Variants in EDNRA observed in about 807,000 individuals in gnomAD.
The protein encoded by EDNRA is endothelin receptor type A.
Under a neutral mutation model 41.4 loss-of-function variants are expected in EDNRA, and 11 were observed. That is an observed-to-expected ratio of 0.27 (90% CI 0.17 to 0.44). The LOEUF (loss-of-function observed/expected upper bound fraction) is 0.44. Ranked by LOEUF, EDNRA falls within the 20% of genes least tolerant of loss-of-function variation. The pLI is 1.00. For synonymous variants in EDNRA, 172 were observed against 183.0 expected (o/e 0.94, Z 0.49); for missense variants, 294 against 531.0 (o/e 0.55, Z 4.39).
intron 2 of EDNRA, among the ~76,000 whole-genome samples, chr4:147,518,488 G>A (rs1362384018): frequency 7.2e-5 from 11 of 152,154 alleles, no homozygotes; most frequent in African/African-American, 2.2e-4. Context: ...TAGAAGAAAG[G>A]AAGTAATCAC....
chr4:147,532,148 T>TA (rs61086622), intron 3 of EDNRA, among the ~76,000 whole-genome samples: 334 of 114,630 alleles, frequency 2.9e-3, no homozygotes, highest in East Asian at 0.011. Context: ...CCGTCTCTAC[T>TA]AAAAAAAAAA....
At position 147,511,389 on chromosome 4, in the gene EDNRA, G is replaced by A. The variant is rs572950811; in HGVS notation, c.421-8462G>A. Among the ~76,000 whole-genome samples the A allele has an allele frequency of 2.6e-5, 4 of 152,120 alleles. No individual in the cohort carries two copies. In the South Asian group the frequency reaches 6.2e-4, roughly 24 times the overall value. ...ATCTTATTTACTATCAAGTCAGTGA[G>A]AGCATCAACTTTATTCTACTTTATT... On this transcript the variant is annotated intron_variant, in intron 2 of 7. Coordinates refer to ENST00000651419, the MANE Select transcript of EDNRA (RefSeq NM_001957.4).
intron 5 of EDNRA, among the ~76,000 whole-genome samples, chr4:147,537,213 G>T (rs768219605): frequency 1.6e-4 from 25 of 152,166 alleles, no homozygotes; most frequent in Non-Finnish European, 7.4e-5. Context: ...CTTTTCATCT[G>T]TAAATTGGGC....
At chr4:147,490,207 T>C (rs1578775101) in intron 2 of EDNRA, 2 of 142,396 alleles carry the variant, frequency 1.4e-5, no homozygotes, top group African/African-American at 5.3e-5. Flanking sequence ...TAAAAGAAAC[T>C]CAGCAATCTA....
chr4:147,518,817 T>C (rs1161482652), intron 2 of EDNRA, among the ~76,000 whole-genome samples: 5 of 152,124 alleles, frequency 3.3e-5, no homozygotes, highest in Non-Finnish European at 7.4e-5. Flanking sequence ...TAAGTTTAAA[T>C]TGAGTCACTA....
At chr4:147,520,234 G>A (rs1345485354) in intron 3 of EDNRA, among the ~76,000 whole-genome samples, 2 of 152,250 alleles carry the variant, frequency 1.3e-5, no homozygotes, top group East Asian at 3.9e-4. Context: ...TGGCAATAAA[G>A]TGAAAATTAA....
intron 2 of EDNRA, chr4:147,488,751 A>G (rs1005795561): frequency 3.3e-5 from 5 of 152,308 alleles, no homozygotes; most frequent in Middle Eastern, 3.4e-3. Context: ...ACATGTTGCT[A>G]TTCTTCTGAC....
At chr4:147,517,913 G>A (rs1033071042) in intron 2 of EDNRA, among the ~76,000 whole-genome samples, 1 of 152,046 alleles carries the variant, frequency 6.6e-6, no homozygotes, top group African/African-American at 2.4e-5. Context: ...CTTAGCACTT[G>A]CCACTGAGAC....
At chr4:147,482,477 G>C (rs10305851) in intron 1 of EDNRA, among the ~76,000 whole-genome samples, 4,150 of 152,256 alleles carry the variant, frequency 0.027, 196 homozygotes, top group African/African-American at 0.092. Flanking sequence ...CTGATTATGA[G>C]TGATGATTCA....
rs759201418 is a variant in EDNRA, at chr4:147,486,374, CT to C, written c.420+274del. ...CATGACTTGGATTCTCATGCCACCC[CT>C]GGGCTTGCTGGTTGGATAGGCTGTC... On this transcript the variant is annotated intron_variant, in intron 2 of 7. Coordinates refer to ENST00000651419, the MANE Select transcript of EDNRA (RefSeq NM_001957.4). The surrounding 1 kb of genome is among the most constrained non-coding windows in gnomAD (Gnocchi z 4.3). Among the ~76,000 whole-genome samples the C allele has an allele frequency of 1.3e-5, 2 of 152,140 alleles. No individual in the cohort carries two copies. The highest frequency in any genetic ancestry group is 2.4e-5 in the African/African-American group (1 of 41,418).
intron 2 of EDNRA, among the ~76,000 whole-genome samples, chr4:147,499,045 G>A (rs185224987): frequency 1.3e-3 from 196 of 152,264 alleles, no homozygotes; most frequent in Non-Finnish European, 2.1e-3. Flanking sequence ...GACCTCCCAA[G>A]TCATTCTTTT....
chr4:147,533,005 ATG>A lies in EDNRA; in HGVS notation c.747+321_747+322del, dbSNP rs761473339. Among the ~76,000 whole-genome samples the A allele has an allele frequency of 1.2e-3, 160 of 137,078 alleles. 1 individual carries two copies. The highest frequency in any genetic ancestry group is 7.1e-3 in the Middle Eastern group (2 of 282). The allele number at this position is 137,078 out of a possible 152,430, so 89.9% of individuals were successfully genotyped here. A position where few individuals can be genotyped will look rare whatever the true frequency, so the allele number is the denominator to read the frequency against. On this transcript the variant is annotated intron_variant, in intron 4 of 7. Transcript: ENST00000651419. ...ACTAGATGTGTGTGTGTGTGTGTGT[ATG>A]TGTGTGTGTGTGTGTGTGTATATAT...
intron 2 of EDNRA, among the ~76,000 whole-genome samples, chr4:147,507,415 T>C (rs72959594): frequency 0.022 from 3,402 of 152,272 alleles, 111 homozygotes; most frequent in African/African-American, 0.077. Flanking sequence ...AGAACCGTGC[T>C]AAGTGAAAAA....
intron 7 of EDNRA, among the ~76,000 whole-genome samples, chr4:147,541,703 A>C (rs1053583310): frequency 6.6e-6 from 1 of 152,182 alleles, no homozygotes; most frequent in Non-Finnish European, 1.5e-5. Flanking sequence ...GAATCACACA[A>C]ACAGATGAAA....
intron 2 of EDNRA, among the ~76,000 whole-genome samples, chr4:147,487,347 G>A (rs1728982539): frequency 6.6e-6 from 1 of 152,196 alleles, no homozygotes; most frequent in Admixed American, 6.5e-5. Context: ...TAGTTGTTGG[G>A]AGGGAAAAAT....
chr4:147,506,596 G>A (rs1729724173), intron 2 of EDNRA: 1 of 296,782 alleles, frequency 3.4e-6, no homozygotes, highest in African/African-American at 2.3e-5. Flanking sequence ...TCAGCCTTTA[G>A]AAATATCAAT....
intron 3 of EDNRA, among the ~76,000 whole-genome samples, 181 bp from the exon 4 acceptor site, chr4:147,532,325 C>CAAAAAAAAAAAAAAAAA (rs59851236): frequency 1.8e-4 from 11 of 60,390 alleles, no homozygotes; most frequent in Middle Eastern, 0.022. Flanking sequence ...GATTTTGCCT[C>CAAAAAAAAAAAAAAAAA]AAAAAAAAAA....
intron 3 of EDNRA, among the ~76,000 whole-genome samples, chr4:147,531,094 C>G (rs539332948): frequency 6.6e-6 from 1 of 152,178 alleles, no homozygotes; most frequent in East Asian, 1.9e-4. Context: ...CTTCCTTAGA[C>G]ATAACATTTA....
chr4:147,531,886 T>C (rs1730752617), intron 3 of EDNRA, among the ~76,000 whole-genome samples: 1 of 150,734 alleles, frequency 6.6e-6, no homozygotes, highest in Non-Finnish European at 1.5e-5. Context: ...GGCGGGTGCC[T>C]GTAGTCCCAG....
Sources: allele counts gnomAD v4.1 joint callset (sites outside exome capture counted in the v4.1 genomes callset), GRCh38; gene constraint gnomAD v4.1.1; non-coding constraint Gnocchi (gnomAD v3.1); transcripts MANE v1.5; gene names NCBI Gene and HGNC (gene_info 2026-07-23, HGNC 2026-07-21).